The following PRKG1 variants were observed in gnomAD, a reference collection of about 807,000 sequenced individuals.
The protein encoded by PRKG1 is cGMP-dependent protein kinase 1.
Under a neutral mutation model 88.1 loss-of-function variants are expected in PRKG1, and 35 were observed. That is an observed-to-expected ratio of 0.40 (90% CI 0.30 to 0.53). The LOEUF is 0.53. PRKG1 is among the 20% of genes least tolerant of loss of function. PRKG1 has a pLI of 0.59. For missense variants in PRKG1, 540 were observed against 839.8 expected (o/e 0.64, Z 4.41); for synonymous variants, 303 against 292.5 (o/e 1.04, Z -0.37).
chr10:52,040,495 G>A (rs568202009), intron 5 of PRKG1, among the ~76,000 whole-genome samples: 2 of 152,296 alleles, frequency 1.3e-5, no homozygotes, highest in South Asian at 4.1e-4. Context: ...TTATTCTGTT[G>A]TCAAATGAAT....
chr10:52,039,056 G>A (rs898460000), intron 5 of PRKG1, among the ~76,000 whole-genome samples: 9 of 152,276 alleles, frequency 5.9e-5, no homozygotes, highest in Admixed American at 3.3e-4. Flanking sequence ...AAGAACAGGA[G>A]GACAGGGGAT....
chr10:51,796,803 G>C (rs934955958), intron 3 of PRKG1, among the ~76,000 whole-genome samples: 1 of 151,942 alleles, frequency 6.6e-6, no homozygotes, highest in Non-Finnish European at 1.5e-5. Context: ...GACCTAGTTA[G>C]GACAAAAAAG....
intron 4 of PRKG1, among the ~76,000 whole-genome samples, chr10:51,899,668 A>AATATATAT (rs1156671263): frequency 1.8e-5 from 1 of 54,274 alleles, no homozygotes. Context: ...AAAAAAGAAA[A>AATATATAT]ATGTATATAT....
chr10:51,604,372 A>C (rs1016375758), intron 3 of PRKG1, among the ~76,000 whole-genome samples: 2 of 152,104 alleles, frequency 1.3e-5, no homozygotes, highest in Non-Finnish European at 2.9e-5. Context: ...GGCGTTTATA[A>C]AAGTTGTTTT....
chr10:52,128,458 G>A, intron 7 of PRKG1: 1 of 985,340 alleles, frequency 1.0e-6, no homozygotes, highest in African/African-American at 1.7e-5. Flanking sequence ...TTCCCTGTAT[G>A]GATTATTCAG....
intron 3 of PRKG1, among the ~76,000 whole-genome samples, chr10:51,594,185 A>G (rs1838382712): frequency 6.6e-6 from 1 of 152,032 alleles, no homozygotes; most frequent in Non-Finnish European, 1.5e-5. Flanking sequence ...CAACATGCCC[A>G]TCTAATTTTT....
intron 8 of PRKG1, among the ~76,000 whole-genome samples, chr10:52,141,192 G>C (rs1837572058): frequency 6.6e-6 from 1 of 152,100 alleles, no homozygotes; most frequent in Admixed American, 6.6e-5. Flanking sequence ...AAATCTAGAG[G>C]TTTAGAAGAA....
At chr10:52,098,751 G>C (rs1017531399) in intron 7 of PRKG1, among the ~76,000 whole-genome samples, 3 of 152,194 alleles carry the variant, frequency 2.0e-5, no homozygotes, top group African/African-American at 7.2e-5. Context: ...GGGAAGAATA[G>C]CTGATACCTA....
chr10:52,163,747 A>G (rs192713239), intron 9 of PRKG1, among the ~76,000 whole-genome samples: 1 of 152,316 alleles, frequency 6.6e-6, no homozygotes, highest in East Asian at 1.9e-4. Flanking sequence ...CCATTCATGG[A>G]TTCACTTGCA....
intron 8 of PRKG1, among the ~76,000 whole-genome samples, chr10:52,158,135 A>G (rs985975849): frequency 2.6e-5 from 4 of 151,736 alleles, no homozygotes; most frequent in African/African-American, 9.7e-5. Context: ...TTTATTTTAC[A>G]ATGTTAAAAT....
chr10:51,184,604 G>A (rs747447425), intron 2 of PRKG1, among the ~76,000 whole-genome samples: 5 of 152,116 alleles, frequency 3.3e-5, no homozygotes, highest in Non-Finnish European at 5.9e-5. Context: ...AATGACTAAT[G>A]AAGGGTTGTT....
chr10:52,147,522 C>T (rs1837763897), intron 8 of PRKG1, among the ~76,000 whole-genome samples: 3 of 152,178 alleles, frequency 2.0e-5, no homozygotes, highest in Admixed American at 6.5e-5. Flanking sequence ...AATTCCAGGC[C>T]TGTCTGCACT....
At chr10:52,031,219 A>G (rs1845467000) in intron 5 of PRKG1, among the ~76,000 whole-genome samples, 1 of 152,228 alleles carries the variant, frequency 6.6e-6, no homozygotes, top group African/African-American at 2.4e-5. Context: ...GAAAATAATT[A>G]GTTTCCAATT....
chr10:51,859,019 C>T (rs542303228), intron 4 of PRKG1, among the ~76,000 whole-genome samples: 1 of 152,106 alleles, frequency 6.6e-6, no homozygotes, highest in African/African-American at 2.4e-5. Context: ...CCAAAGTGGC[C>T]TGCTCGATAG....
intron 2 of PRKG1, among the ~76,000 whole-genome samples, chr10:51,358,412 C>T (rs896837915): frequency 6.6e-6 from 1 of 151,890 alleles, no homozygotes; most frequent in African/African-American, 2.4e-5. Context: ...ACACAACTCT[C>T]AAGTGTCAAG....
chr10:51,414,682 A>C (rs1433291270), intron 2 of PRKG1, among the ~76,000 whole-genome samples: 1 of 152,226 alleles, frequency 6.6e-6, no homozygotes, highest in East Asian at 1.9e-4. Context: ...TAATATCAAA[A>C]TGTGTACATT....
chr10:51,495,074 T>C (rs1701271313), intron 3 of PRKG1, among the ~76,000 whole-genome samples: 1 of 152,112 alleles, frequency 6.6e-6, no homozygotes, highest in Non-Finnish European at 1.5e-5. Context: ...TTCAAGTCCA[T>C]GGGATGTACC....
chr10:52,030,213 A>C (rs151033210), intron 5 of PRKG1, among the ~76,000 whole-genome samples: 1 of 152,196 alleles, frequency 6.6e-6, no homozygotes, highest in Non-Finnish European at 1.5e-5. Context: ...TTCTGTGTGC[A>C]TACCATGCTA....
intron 3 of PRKG1, among the ~76,000 whole-genome samples, chr10:51,586,301 G>A (rs1461384294): frequency 2.0e-5 from 3 of 152,022 alleles, no homozygotes; most frequent in African/African-American, 7.2e-5. Flanking sequence ...TGAACAATTA[G>A]ACTAAAAATG....
Sources: allele counts gnomAD v4.1 joint callset (sites outside exome capture counted in the v4.1 genomes callset), GRCh38; gene constraint gnomAD v4.1.1; transcripts MANE v1.5; gene names NCBI Gene and HGNC (gene_info 2026-07-23, HGNC 2026-07-21).